SPATA6L: variants seen among roughly 807,000 people sequenced by gnomAD.
The protein encoded by SPATA6L is spermatogenesis associated 6-like protein.
In SPATA6L, 68 loss-of-function variants were observed where a neutral mutation model predicts 49.2. The ratio of observed to expected loss-of-function variants is 1.38; its 90% CI spans 1.14 to 1.69. SPATA6L has a LOEUF of 1.69. Among genes scored for constraint, SPATA6L ranks in the 40% most tolerant of loss-of-function variants. SPATA6L has a pLI of 0.00. For missense variants in SPATA6L, 668 were observed against 464.3 expected (o/e 1.44, Z -4.03); for synonymous variants, 198 against 165.7 (o/e 1.19, Z -1.50).
intron 9 of SPATA6L, among the ~76,000 whole-genome samples, chr9:4,614,734 C>T (rs1827563841): frequency 6.6e-6 from 1 of 152,144 alleles, no homozygotes; most frequent in Admixed American, 6.6e-5. Context: ...ACTGGATGGC[C>T]TTTCTGTGGC....
downstream of SPATA6L, among the ~76,000 whole-genome samples, chr9:4,598,059 T>C (rs893985107): frequency 6.6e-6 from 1 of 152,194 alleles, no homozygotes; most frequent in Non-Finnish European, 1.5e-5. Flanking sequence ...ACTCTCATTT[T>C]TTAAAAATCT....
At chr9:4,603,845 CAT>C in intron 11 of SPATA6L, among the ~76,000 whole-genome samples, 1 of 152,274 alleles carries the variant, frequency 6.6e-6, no homozygotes, top group Middle Eastern at 3.4e-3. Flanking sequence ...GTCAGGAAGA[CAT>C]ATTCCAGATG....
At chr9:4,623,078 A>C (rs4742020) in intron 6 of SPATA6L, among the ~76,000 whole-genome samples, 1 of 151,846 alleles carries the variant, frequency 6.6e-6, no homozygotes, top group African/African-American at 2.4e-5. Flanking sequence ...TCGGGAGTTC[A>C]AGACCAGCCT....
chr9:4,624,587 G>T (rs1292138941), intron 6 of SPATA6L, among the ~76,000 whole-genome samples: 1 of 152,106 alleles, frequency 6.6e-6, no homozygotes, highest in South Asian at 2.1e-4. Flanking sequence ...AATTAGACGG[G>T]TGTGGTGGTG....
At chr9:4,605,589 T>C (rs967301519) in intron 9 of SPATA6L, 149 bp from the exon 10 acceptor site, 1 of 592,608 alleles carries the variant, frequency 1.7e-6, no homozygotes, top group Non-Finnish European at 3.0e-6. Flanking sequence ...TTTCAATGTC[T>C]TTCTTAAACC....
intron 3 of SPATA6L, among the ~76,000 whole-genome samples, chr9:4,654,746 G>A (rs1356127280): frequency 1.3e-5 from 2 of 152,174 alleles, no homozygotes; most frequent in Admixed American, 1.3e-4. Flanking sequence ...TTCTGCCAGT[G>A]CCAATGTACT....
intron 3 of SPATA6L, among the ~76,000 whole-genome samples, chr9:4,638,209 T>TATC: frequency 1.3e-5 from 2 of 152,140 alleles, no homozygotes; most frequent in South Asian, 4.1e-4. Flanking sequence ...GTGTAATTAT[T>TATC]ATTATTATTA....
intron 5 of SPATA6L, chr9:4,628,250 G>T (rs1830727285): frequency 5.5e-6 from 1 of 181,474 alleles, no homozygotes; most frequent in Admixed American, 5.4e-5. Context: ...ATAACTAAAA[G>T]AATATAATTG....
chr9:4,634,611 T>C (rs1220825994), intron 4 of SPATA6L, among the ~76,000 whole-genome samples: 1 of 152,216 alleles, frequency 6.6e-6, no homozygotes, highest in Non-Finnish European at 1.5e-5. Context: ...AGTATCAAAA[T>C]ATTTTTTATA....
At chr9:4,647,081 A>G (rs970119336) in intron 3 of SPATA6L, among the ~76,000 whole-genome samples, 21 of 151,786 alleles carry the variant, frequency 1.4e-4, no homozygotes. Context: ...AAAAAAAAGC[A>G]TTTCACCTCC....
intron 3 of SPATA6L, among the ~76,000 whole-genome samples, chr9:4,637,829 T>C (rs760891033): frequency 3.3e-5 from 5 of 152,208 alleles, no homozygotes; most frequent in Non-Finnish European, 7.3e-5. Context: ...CCAGCTTACG[T>C]TAGCCACTCA....
chr9:4,643,884 A>T (rs1261265742), intron 3 of SPATA6L, among the ~76,000 whole-genome samples: 1 of 152,094 alleles, frequency 6.6e-6, no homozygotes, highest in Non-Finnish European at 1.5e-5. Context: ...GCAGGTGCCC[A>T]TAATTCCAGC....
chr9:4,640,996 G>A (rs1833912443), intron 3 of SPATA6L, among the ~76,000 whole-genome samples: 1 of 152,020 alleles, frequency 6.6e-6, no homozygotes, highest in Non-Finnish European at 1.5e-5. Context: ...AAAACATATA[G>A]CACTCCAAGA....
intron 2 of SPATA6L, 44 bp from the exon 3 acceptor site, chr9:4,656,133 A>C: frequency 6.5e-7 from 1 of 1,531,064 alleles, no homozygotes; most frequent in Non-Finnish European, 9.0e-7. Flanking sequence ...AGTTGTATTA[A>C]TAAGCGCATA....
chr9:4,646,144 A>ACACACC (rs1554733079), intron 3 of SPATA6L, among the ~76,000 whole-genome samples: 23 of 151,380 alleles, frequency 1.5e-4, no homozygotes, highest in East Asian at 3.9e-4. Flanking sequence ...ACACACACAC[A>ACACACC]CCCCACAAAT....
intron 2 of SPATA6L, among the ~76,000 whole-genome samples, chr9:4,659,686 T>C (rs1313314622): frequency 6.6e-6 from 1 of 152,050 alleles, no homozygotes; most frequent in Non-Finnish European, 1.5e-5. Context: ...TACTTTAAAG[T>C]TCATATGGAA....
intron 3 of SPATA6L, chr9:4,646,408 AC>A: frequency 3.3e-6 from 3 of 911,306 alleles, no homozygotes; most frequent in Non-Finnish European, 4.9e-6. Context: ...ACTCTTAAGT[AC>A]AGTCCCCATT....
chr9:4,649,380 G>A (rs1836290452), intron 3 of SPATA6L, among the ~76,000 whole-genome samples: 2 of 152,116 alleles, frequency 1.3e-5, no homozygotes, highest in Admixed American at 1.3e-4. Context: ...CTGCATCTAT[G>A]CCAACATCTA....
At chr9:4,610,242 A>G (rs1405270480) in intron 9 of SPATA6L, among the ~76,000 whole-genome samples, 9 of 150,234 alleles carry the variant, frequency 6.0e-5, no homozygotes, top group African/African-American at 2.2e-4. Context: ...TACAGATTCA[A>G]TGCCATCCCC....
Sources: gnomAD v4.1 joint callset for allele counts (sites outside exome capture counted in the v4.1 genomes callset) on GRCh38, gnomAD v4.1.1 for gene constraint, MANE v1.5 for transcripts, NCBI Gene and HGNC (gene_info 2026-07-23, HGNC 2026-07-21) for gene names.